DNER: variants seen among roughly 807,000 people sequenced by gnomAD.
The protein encoded by DNER is delta/notch like EGF repeat containing.
A neutral mutation model predicts 78.2 loss-of-function variants in DNER; 33 were observed. The ratio of observed to expected loss-of-function variants is 0.42; its 90% CI spans 0.32 to 0.56. The LOEUF is 0.56. DNER is among the 20% of genes least tolerant of loss of function. DNER has a pLI of 0.11. For missense variants in DNER, 918 were observed against 975.3 expected (o/e 0.94, Z 0.78); for synonymous variants, 417 against 384.8 (o/e 1.08, Z -0.98).
rs1559165523 is a variant in DNER, at chr2:229,554,941, A to AGAGAAGAGAAGAGAGAAAAGGG, written c.848-7850_848-7849insCCCTTTTCTCTCTTCTCTTCTC. The stretch of plus-strand genomic sequence containing the variant: ...AGAAGAGAAGAGAAGAGAAGAGAGA[A>AGAGAAGAGAAGAGAGAAAAGGG]AAGGGAAGGGAAGGGAAGGGAAGGG... On this transcript the variant is annotated intron_variant, in intron 4 of 12. Transcript: ENST00000341772. Among the ~76,000 whole-genome samples the AGAGAAGAGAAGAGAGAAAAGGG allele has an allele frequency of 1.6e-4, 4 of 25,612 alleles. 2 individuals are homozygous for AGAGAAGAGAAGAGAGAAAAGGG. The highest frequency in any genetic ancestry group is 3.2e-4 in the Non-Finnish European group (4 of 12,692). 16.8% of individuals were successfully genotyped at this position (25,612 alleles called of 152,430 possible).
intron 5 of DNER, among the ~76,000 whole-genome samples, chr2:229,516,444 C>T (rs1417543863): frequency 6.6e-6 from 1 of 152,146 alleles, no homozygotes; most frequent in Non-Finnish European, 1.5e-5. Flanking sequence ...AATAAACTTA[C>T]TTAAAATTAG....
At chr2:229,671,015 A>G (rs1699198146) in intron 1 of DNER, among the ~76,000 whole-genome samples, 1 of 152,226 alleles carries the variant, frequency 6.6e-6, no homozygotes, top group South Asian at 2.1e-4. Flanking sequence ...TGCTTTTTAA[A>G]TACTTTTTCT....
intron 1 of DNER, among the ~76,000 whole-genome samples, chr2:229,704,534 T>C (rs559241823): frequency 2.9e-4 from 44 of 152,318 alleles, no homozygotes; most frequent in African/African-American, 1.0e-3. Flanking sequence ...AAACAAACAA[T>C]TGATACATGA....
At chr2:229,607,306 A>G (rs1164268875) in intron 1 of DNER, among the ~76,000 whole-genome samples, 2 of 152,288 alleles carry the variant, frequency 1.3e-5, no homozygotes, top group East Asian at 3.9e-4. Flanking sequence ...TGCTTATGCT[A>G]TATCTGGCAT....
intron 5 of DNER, among the ~76,000 whole-genome samples, chr2:229,513,289 C>CTAGATGTCA (rs1441353170): frequency 1.3e-5 from 2 of 152,160 alleles, no homozygotes; most frequent in East Asian, 3.8e-4. Flanking sequence ...AGCCATTAAA[C>CTAGATGTCA]TAGATGTCAC....
rs1351581875 is a variant in DNER, at chr2:229,613,065, T to A, written c.277-21177A>T. The stretch of plus-strand genomic sequence containing the variant: ...CATTCGCATTGTAAAATGTCCAACA[T>A]GAGATACTGTTATCAGTATCTCTAT... On this transcript the variant is annotated intron_variant, in intron 1 of 12. Coordinates refer to ENST00000341772, the MANE Select transcript of DNER (RefSeq NM_139072.4). Among the ~76,000 whole-genome samples the A allele has an allele frequency of 7.9e-5, 12 of 152,338 alleles. No individual in the cohort carries two copies. The Middle Eastern group carries it at 0.014, about 173-fold the overall frequency.
At chr2:229,446,405 C>T (rs1694342645) in intron 8 of DNER, among the ~76,000 whole-genome samples, 1 of 152,118 alleles carries the variant, frequency 6.6e-6, no homozygotes, top group Admixed American at 6.5e-5. Flanking sequence ...ACTGAGTCAG[C>T]CCCAGAAGTA....
In DNER at chr2:229,705,719, T is replaced by A. The variant is rs558456769; in HGVS notation, c.276+8429A>T. 7.2e-5 allele frequency among the ~76,000 whole-genome samples: 11 copies of A among 152,358 alleles called. No individual in the cohort carries two copies. In the South Asian group the frequency reaches 2.3e-3, roughly 32 times the overall value. On this transcript the variant is annotated intron_variant, in intron 1 of 12. Transcript: ENST00000341772. ...TAAGATGGGGACTCATATTCACTTT[T>A]ATCAAAATAGCAGTTTGTGTTTATA...
At chr2:229,647,736 T>G (rs1698743701) in intron 1 of DNER, among the ~76,000 whole-genome samples, 1 of 152,216 alleles carries the variant, frequency 6.6e-6, no homozygotes, top group Non-Finnish European at 1.5e-5. Context: ...CAGTCAATGA[T>G]TGAAAAGCAA....
At chr2:229,531,515 A>C (rs1291019073) in intron 5 of DNER, among the ~76,000 whole-genome samples, 1 of 152,238 alleles carries the variant, frequency 6.6e-6, no homozygotes, top group African/African-American at 2.4e-5. Flanking sequence ...GAAAATAACA[A>C]GTGTTTGTAT....
chr2:229,628,950 TA>T (rs1472806181), intron 1 of DNER, among the ~76,000 whole-genome samples: 1 of 152,190 alleles, frequency 6.6e-6, no homozygotes, highest in Non-Finnish European at 1.5e-5. Context: ...AACATGTGTT[TA>T]AAAATACCAA....
At chr2:229,384,960 A>G (rs1165661200) in intron 11 of DNER, among the ~76,000 whole-genome samples, 1 of 152,134 alleles carries the variant, frequency 6.6e-6, no homozygotes, top group African/African-American at 2.4e-5. Context: ...GCAACAAAAA[A>G]AGAAAACTTC....
intron 1 of DNER, among the ~76,000 whole-genome samples, chr2:229,659,325 A>T (rs530309263): frequency 1.4e-4 from 21 of 152,270 alleles, no homozygotes; most frequent in Non-Finnish European, 2.9e-4. Flanking sequence ...TTACTAAAAG[A>T]AGTGCAAAAA....
chr2:229,548,464 C>A (rs1267365505), intron 4 of DNER, among the ~76,000 whole-genome samples: 1 of 152,086 alleles, frequency 6.6e-6, no homozygotes, highest in Non-Finnish European at 1.5e-5. Context: ...AAGCTGGAAA[C>A]CATCATTCTC....
At chr2:229,590,678 G>A (rs1318975749) in intron 2 of DNER, among the ~76,000 whole-genome samples, 1 of 152,204 alleles carries the variant, frequency 6.6e-6, no homozygotes, top group Non-Finnish European at 1.5e-5. Flanking sequence ...TGAGGTTACA[G>A]TGAGAAGACG....
intron 4 of DNER, among the ~76,000 whole-genome samples, chr2:229,585,523 G>A (rs1697479493): frequency 6.6e-6 from 1 of 152,092 alleles, no homozygotes; most frequent in Admixed American, 6.5e-5. Context: ...AGCCGAGCAT[G>A]ATGGTGGGTG....
intron 8 of DNER, among the ~76,000 whole-genome samples, chr2:229,433,492 G>C (rs1041675704): frequency 2.6e-5 from 4 of 152,144 alleles, no homozygotes; most frequent in African/African-American, 4.8e-5. Flanking sequence ...AGAAAGGCCA[G>C]AATGAGGGAA....
chr2:229,431,043 T>C (rs1333965417), intron 8 of DNER, among the ~76,000 whole-genome samples: 4 of 152,190 alleles, frequency 2.6e-5, no homozygotes, highest in Non-Finnish European at 5.9e-5. Context: ...AGAAGAATTA[T>C]ACTTTTTAAT....
intron 5 of DNER, among the ~76,000 whole-genome samples, chr2:229,518,257 C>A (rs1011390649): frequency 4.6e-5 from 7 of 152,188 alleles, no homozygotes; most frequent in African/African-American, 1.7e-4. Context: ...TGGATATTGT[C>A]CAACATGTAT....
Sources: allele counts gnomAD v4.1 joint callset (sites outside exome capture counted in the v4.1 genomes callset), GRCh38; gene constraint gnomAD v4.1.1; transcripts MANE v1.5; gene names NCBI Gene and HGNC (gene_info 2026-07-23, HGNC 2026-07-21).